TLR3: variants seen among roughly 807,000 people sequenced by gnomAD.
TLR3 encodes toll-like receptor 3.
TLR3 carries 43 observed loss-of-function variants against 66.4 expected under a neutral mutation model. The observed-to-expected ratio is 0.65, with a 90% CI of 0.51 to 0.83. The LOEUF is 0.83. TLR3 is among the 40% of genes least tolerant of loss of function. TLR3 has a pLI of 0.00. For synonymous variants in TLR3, 397 were observed against 397.2 expected (o/e 1.00, Z 0.01); for missense variants, 982 against 1,044.6 (o/e 0.94, Z 0.83).
At position 186,082,210 on chromosome 4, in the gene TLR3, G is replaced by T; in HGVS notation, c.634-110G>T. The T allele has an allele frequency of 3.3e-6, 3 of 898,854 alleles. No homozygotes were observed. In the South Asian group the frequency reaches 4.8e-5, roughly 14 times the overall value. 55.7% of individuals were successfully genotyped at this position (898,854 alleles called of 1,614,324 possible). A position where few individuals can be genotyped will look rare whatever the true frequency, so the allele number is the denominator to read the frequency against. Reference sequence around the variant, plus strand: ...GCTGTACTCCAGCCTGGGCGACAGAGCGAGACTCCGTCTCAAAAAAAAAAA... The same window carrying T: ...GCTGTACTCCAGCCTGGGCGACAGATCGAGACTCCGTCTCAAAAAAAAAAA... On this transcript the variant is annotated intron_variant, in intron 3 of 4. Coordinates refer to ENST00000296795, the MANE Select transcript of TLR3 (RefSeq NM_003265.3).
At chr4:186,079,222 G>A (rs2099302998) in intron 3 of TLR3, among the ~76,000 whole-genome samples, 191 bp downstream of exon 3, 1 of 152,078 alleles carries the variant, frequency 6.6e-6, no homozygotes, top group Non-Finnish European at 1.5e-5. Flanking sequence ...TCGGGAGACG[G>A]GACTCTGCCG....
chr4:186,082,022 C>T, intron 3 of TLR3: 2 of 366,276 alleles, frequency 5.5e-6, no homozygotes, highest in Non-Finnish European at 5.0e-6. Context: ...GTCAGGAGTT[C>T]AAGACCAGCC....
chr4:186,071,248 T>C (rs1339542217), intron 1 of TLR3, among the ~76,000 whole-genome samples: 2 of 152,218 alleles, frequency 1.3e-5, no homozygotes, highest in African/African-American at 2.4e-5. Context: ...ACTGATGAAA[T>C]GTCTTCAGAT....
chr4:186,079,096 C>T, intron 3 of TLR3, 65 bp downstream of exon 3: 1 of 1,355,162 alleles, frequency 7.4e-7, no homozygotes, highest in Non-Finnish European at 1.0e-6. Context: ...ATCTGTGTCA[C>T]ATACACAGGA....
chr4:186,077,713 A>G (rs2099302694), intron 2 of TLR3, among the ~76,000 whole-genome samples: 1 of 152,116 alleles, frequency 6.6e-6, no homozygotes, highest in African/African-American at 2.4e-5. Context: ...TATCATATCC[A>G]TCATCTCAAA....
chr4:186,071,605 T>C (rs964738480), intron 1 of TLR3, among the ~76,000 whole-genome samples: 3 of 152,212 alleles, frequency 2.0e-5, no homozygotes, highest in African/African-American at 7.2e-5. Flanking sequence ...ATATAAAGAA[T>C]GTGCACAGCT....
At chr4:186,077,958 C>T (rs2099302732) in intron 2 of TLR3, among the ~76,000 whole-genome samples, 1 of 152,186 alleles carries the variant, frequency 6.6e-6, no homozygotes, top group South Asian at 2.1e-4. Flanking sequence ...TGCTCTTCCT[C>T]AGATGCCAAG....
In TLR3 at chr4:186,086,866, C is replaced by T. The variant is rs866659750; in HGVS notation, c.*1993C>T. 2.0e-5 allele frequency: 3 copies of T among 152,084 alleles called. No individual in the cohort carries two copies. The highest frequency in any genetic ancestry group is 2.4e-5 in the African/African-American group (1 of 41,486). The allele number at this position is 152,084 out of a possible 1,614,324, so 9.4% of individuals were successfully genotyped here. A position where few individuals can be genotyped will look rare whatever the true frequency, so the allele number is the denominator to read the frequency against. ...TGGACAAAATGCACAAAGAATGAGG[C>T]GACAAAAGCAGAGGTTTATTGAAAA... On this transcript the variant is annotated 3_prime_UTR_variant, in exon 5 of 5. Transcript: ENST00000296795.
chr4:186,082,289 T>C (rs769005879), intron 3 of TLR3, 31 bp from the exon 4 acceptor site: 1 of 1,586,336 alleles, frequency 6.3e-7, no homozygotes, highest in Admixed American at 1.7e-5. Flanking sequence ...GTTCTTTTGA[T>C]TGTTAACCTC....
At position 186,076,906 on chromosome 4, in the gene TLR3, A is replaced by G. The variant is rs1407442968; in HGVS notation, c.287A>G (p.Gln96Arg). 4 of 1,614,228 alleles carry G rather than the reference A, an allele frequency of 2.5e-6. No homozygotes were observed. Among genetic ancestry groups the G allele is most frequent in the Non-Finnish European group, 3.4e-6 (4 of 1,180,046 alleles). ...TCAAAACTGGAGCCAGAATTGTGCCAGAAACTTCCCATGTTAAAAGTTTTG... is the reference window on the plus strand; with the variant it reads ...TCAAAACTGGAGCCAGAATTGTGCCGGAAACTTCCCATGTTAAAAGTTTTG... ...TISKLEPELC[Q>R]KLPMLKVLNL... The change falls in exon 2 of 5, where the codon CAG (glutamine) becomes CGG (arginine). Residue 96 changes from glutamine to arginine, a missense_variant. Gln to Arg is a conservative substitution (Grantham distance 43). Around this residue, in one of 3 missense-constraint regions of TLR3, gnomAD observed 313 missense variants for 319.0 expected, o/e 0.98. Coordinates refer to ENST00000296795, the MANE Select transcript of TLR3 (RefSeq NM_003265.3).
chr4:186,069,699 G>A (rs1441546269), intron 1 of TLR3, among the ~76,000 whole-genome samples: 1 of 152,156 alleles, frequency 6.6e-6, no homozygotes, highest in Non-Finnish European at 1.5e-5. Flanking sequence ...GTATGACAAT[G>A]TCTTAGATAG....
At chr4:186,077,170 A>G (rs191426978) in intron 2 of TLR3, 110 bp downstream of exon 2, 8 of 1,168,128 alleles carry the variant, frequency 6.8e-6, no homozygotes, top group East Asian at 2.6e-5. Context: ...ATCTAATCCA[A>G]TTTGCCACAA....
intron 4 of TLR3, 104 bp from the exon 5 acceptor site, chr4:186,084,541 C>A: frequency 5.2e-6 from 4 of 769,092 alleles, no homozygotes; most frequent in East Asian, 2.8e-5. Context: ...AAAAAAAAAC[C>A]TGAGTTTCAG....
chr4:186,084,409 T>TG (rs2099304048), intron 4 of TLR3, among the ~76,000 whole-genome samples: 1 of 151,890 alleles, frequency 6.6e-6, no homozygotes, highest in Non-Finnish European at 1.5e-5. Flanking sequence ...TTATTAGAGA[T>TG]GGGGTTTCAC....
At chr4:186,069,553 G>A (rs997002723) in intron 1 of TLR3, among the ~76,000 whole-genome samples, 1 of 152,182 alleles carries the variant, frequency 6.6e-6, no homozygotes, top group Admixed American at 6.5e-5. Context: ...CATTAGGGAA[G>A]CTATGGAAAT....
rs2099302914 is a variant in TLR3, at chr4:186,078,866, T to C, written c.468T>C (p.His156=). 6.2e-7 allele frequency: 1 copy of C among 1,613,984 alleles called. No individual in the cohort carries two copies. The highest frequency in any genetic ancestry group is 1.3e-5 in the African/African-American group (1 of 74,938). The change falls in exon 3 of 5, where the codon CAT becomes CAC. Residue 156 remains histidine, a synonymous_variant. Transcript: ENST00000296795. The part of the protein sequence containing the change: ...QKNLITLDLS[H]NGLSSTKLGT... ...ATTTAATCACATTAGATCTGTCTCA[T>C]AATGGCTTGTCATCTACAAAATTAG...
intron 1 of TLR3, among the ~76,000 whole-genome samples, chr4:186,070,643 T>G (rs997924582): frequency 6.6e-6 from 1 of 151,666 alleles, no homozygotes; most frequent in African/African-American, 2.4e-5. Context: ...CAGCCTCAGC[T>G]TCCTAAAGTG....
In TLR3 at chr4:186,087,206, A is replaced by C. The variant is rs1375089873; in HGVS notation, c.*2333A>C. ...TGCAGACCCCATTCTCCTGCCTCAG[A>C]TATATCAATGACATATTCAATACAT... On this transcript the variant is annotated 3_prime_UTR_variant, in exon 5 of 5. Transcript: ENST00000296795. The C allele has an allele frequency of 6.6e-6, 1 of 152,196 alleles. No individual in the cohort carries two copies. Among genetic ancestry groups the C allele is most frequent in the African/African-American group, 2.4e-5 (1 of 41,452 alleles). 9.4% of individuals were successfully genotyped at this position (152,196 alleles called of 1,614,324 possible).
intron 1 of TLR3, among the ~76,000 whole-genome samples, chr4:186,074,036 T>G (rs568362662): frequency 5.3e-5 from 8 of 152,278 alleles, no homozygotes; most frequent in African/African-American, 1.7e-4. Context: ...AGCAGAATGA[T>G]TAAAAATAAT....
Sources: allele counts gnomAD v4.1 joint callset (sites outside exome capture counted in the v4.1 genomes callset), GRCh38; gene constraint gnomAD v4.1.1; regional missense constraint gnomAD v4.1.1; transcripts MANE v1.5; gene names NCBI Gene and HGNC (gene_info 2026-07-23, HGNC 2026-07-21).